The following PARN variants were observed in gnomAD, a reference collection of about 807,000 sequenced individuals.
PARN encodes the protein poly(A)-specific ribonuclease.
In PARN, 71 loss-of-function variants were observed where a neutral mutation model predicts 102.8. That is an observed-to-expected ratio of 0.69 (90% confidence interval 0.57 to 0.84). The LOEUF (loss-of-function observed/expected upper bound fraction) is 0.84, where lower values mean the gene tolerates loss of function less well. Among genes scored for constraint, PARN ranks in the 40% least tolerant of loss-of-function variants. The probability of loss-of-function intolerance (pLI) is 0.00; values close to 1 mark genes in which losing one functional copy is unlikely to be tolerated. For synonymous variants in PARN, 261 were observed against 252.9 expected (o/e 1.03, Z -0.30); for missense variants, 782 against 760.9 (o/e 1.03, Z -0.33).
intron 18 of PARN, among the ~76,000 whole-genome samples, chr16:14,560,706 T>C (rs1432793978): frequency 6.6e-6 from 1 of 152,228 alleles, no homozygotes; most frequent in Non-Finnish European, 1.5e-5. Context: ...CAGGATCTTT[T>C]GCTCAATACA....
rs374176586 is a variant in PARN at position 14,467,698 on chromosome 16, G to A, written c.1670+14940C>T. The stretch of plus-strand genomic sequence containing the variant: ...GGCATGTACATACTCCTACCTTCAG[G>A]TGGCTCTTTCAGTCTGAACAAAAGG... On this transcript the variant is annotated intron_variant, in intron 22 of 23. Coordinates refer to ENST00000437198, the MANE Select transcript of PARN (RefSeq NM_002582.4). 3.3e-5 allele frequency among the ~76,000 whole-genome samples: 5 copies of A among 152,234 alleles called. No homozygotes were observed. The East Asian group carries it at 9.6e-4, about 29-fold the overall frequency.
chr16:14,561,460 A>C (rs1968057711), intron 18 of PARN, among the ~76,000 whole-genome samples: 1 of 152,228 alleles, frequency 6.6e-6, no homozygotes, highest in Non-Finnish European at 1.5e-5. Context: ...AAGATGATGC[A>C]GCAATCAGCT....
intron 21 of PARN, among the ~76,000 whole-genome samples, chr16:14,506,411 A>C (rs1964897033): frequency 6.6e-6 from 1 of 152,228 alleles, no homozygotes; most frequent in Non-Finnish European, 1.5e-5. Context: ...TGGACATTAG[A>C]TCATATCAAA....
chr16:14,456,804 GAA>G (rs1961700971), intron 22 of PARN, among the ~76,000 whole-genome samples: 1 of 152,164 alleles, frequency 6.6e-6, no homozygotes, highest in African/African-American at 2.4e-5. Context: ...GGTCTCAACA[GAA>G]AAGAGACCCC....
chr16:14,468,937 A>G (rs1426516697), intron 22 of PARN, among the ~76,000 whole-genome samples: 1 of 151,048 alleles, frequency 6.6e-6, no homozygotes, highest in African/African-American at 2.4e-5. Flanking sequence ...AATAAAATAA[A>G]GATAAAACAT....
chr16:14,611,904 T>G (rs1971539959), intron 6 of PARN, among the ~76,000 whole-genome samples: 1 of 152,162 alleles, frequency 6.6e-6, no homozygotes, highest in African/African-American at 2.4e-5. Context: ...TGGGGGTCTC[T>G]GTCGCAATAC....
intron 22 of PARN, among the ~76,000 whole-genome samples, chr16:14,452,782 G>C (rs1045165542): frequency 6.6e-6 from 1 of 152,164 alleles, no homozygotes; most frequent in Non-Finnish European, 1.5e-5. Flanking sequence ...TAATGTTTCT[G>C]TATCTATATG....
In PARN at chr16:14,436,583, C is replaced by G. The variant is rs563397576; in HGVS notation, c.*134G>C. 65 of 649,466 alleles carry G rather than the reference C, an allele frequency of 1.0e-4. 1 individual carries two copies. Among genetic ancestry groups the G allele is most frequent in the South Asian group, 6.8e-4 (36 of 52,936 alleles). The allele number at this position is 649,466 out of a possible 1,614,324, so 40.2% of individuals were successfully genotyped here. A position where few individuals can be genotyped will look rare whatever the true frequency, so the allele number is the denominator to read the frequency against. On this transcript the variant is annotated 3_prime_UTR_variant, in exon 24 of 24. Transcript: ENST00000437198. ...CAAAAATAAAACCTGTTTTCTCCCCCCCAGGAGACAACTTGGTTTCCAACC... is the reference window on the plus strand; with the variant it reads ...CAAAAATAAAACCTGTTTTCTCCCCGCCAGGAGACAACTTGGTTTCCAACC...
chr16:14,531,936 A>T (rs1966357693), intron 21 of PARN, among the ~76,000 whole-genome samples: 1 of 149,898 alleles, frequency 6.7e-6, no homozygotes, highest in Non-Finnish European at 1.5e-5. Flanking sequence ...GGTTGCATGC[A>T]CCTATAGTCC....
chr16:14,533,008 G>A (rs1966435160), intron 21 of PARN, among the ~76,000 whole-genome samples: 1 of 152,130 alleles, frequency 6.6e-6, no homozygotes, highest in Non-Finnish European at 1.5e-5. Context: ...AGGGGTGGCG[G>A]CTGGGCAGAG....
intron 14 of PARN, among the ~76,000 whole-genome samples, chr16:14,585,076 G>A (rs1247271259): frequency 6.6e-6 from 1 of 152,146 alleles, no homozygotes; most frequent in East Asian, 1.9e-4. Context: ...ACAAGTTCTA[G>A]ATTCACCTGG....
chr16:14,609,198 C>A, intron 7 of PARN, 75 bp from the exon 8 acceptor site: 1 of 695,976 alleles, frequency 1.4e-6, no homozygotes, highest in Non-Finnish European at 2.5e-6. Flanking sequence ...ATAATCACAA[C>A]CAAAAACAGT....
At chr16:14,531,021 C>T (rs1966298923) in intron 21 of PARN, among the ~76,000 whole-genome samples, 1 of 152,058 alleles carries the variant, frequency 6.6e-6, no homozygotes. Context: ...CACCTTGACT[C>T]ACTCCCACAT....
At chr16:14,474,475 G>A (rs560157017) in intron 22 of PARN, among the ~76,000 whole-genome samples, 3 of 152,208 alleles carry the variant, frequency 2.0e-5, no homozygotes, top group Non-Finnish European at 4.4e-5. Flanking sequence ...CTATTTGAGA[G>A]AATCAAAGGG....
At position 14,630,116 on chromosome 16, in the gene PARN, T is replaced by C; in HGVS notation, c.10A>G (p.Ile4Val). The change falls in exon 1 of 24, where the codon ATC becomes GTC. Residue 4 changes from isoleucine (I) to valine (V), a missense_variant. Ile to Val is a conservative substitution (Grantham distance 29). Transcript: ENST00000437198. The stretch of plus-strand genomic sequence containing the variant: ...TACGGCGGACACGCACTGCTCCTGA[T>C]TATCTCCATTCTGCAGAGTGGCCGG... MEIIRSNFKSNLHK... is the reference protein window; with the variant it reads MEIVRSNFKSNLHK... 6.4e-7 allele frequency: 1 copy of C among 1,562,432 alleles called. No homozygotes were observed. Among genetic ancestry groups the C allele is most frequent in the South Asian group, 1.2e-5 (1 of 85,060 alleles).
intron 6 of PARN, among the ~76,000 whole-genome samples, chr16:14,612,624 G>A (rs1448388191): frequency 6.6e-6 from 1 of 151,398 alleles, no homozygotes; most frequent in Non-Finnish European, 1.5e-5. Flanking sequence ...TTAGAACGAA[G>A]TCTTGCTCTG....
intron 21 of PARN, among the ~76,000 whole-genome samples, chr16:14,485,525 T>C (rs555175943): frequency 6.6e-6 from 1 of 152,332 alleles, no homozygotes; most frequent in South Asian, 2.1e-4. Context: ...TGTCACTCCC[T>C]AAGCTTGTGA....
intron 21 of PARN, among the ~76,000 whole-genome samples, chr16:14,485,495 T>C (rs1201388524): frequency 6.6e-6 from 1 of 152,204 alleles, no homozygotes; most frequent in African/African-American, 2.4e-5. Flanking sequence ...ATTTATGTAG[T>C]GGTGATTTCG....
chr16:14,474,130 CTATAGGCA>C (rs1962908524), intron 22 of PARN, among the ~76,000 whole-genome samples: 1 of 152,050 alleles, frequency 6.6e-6, no homozygotes, highest in South Asian at 2.1e-4. Context: ...GTATCTGGGA[CTATAGGCA>C]TGGGCCACCA....
Sources: allele counts gnomAD v4.1 joint callset (sites outside exome capture counted in the v4.1 genomes callset), GRCh38; gene constraint gnomAD v4.1.1; transcripts MANE v1.5; gene names NCBI Gene and HGNC (gene_info 2026-07-23, HGNC 2026-07-21).